SYT16: variants seen among roughly 807,000 people sequenced by gnomAD.
SYT16 encodes synaptotagmin-16.
A neutral mutation model predicts 61.4 loss-of-function variants in SYT16; 42 were observed. The ratio of observed to expected loss-of-function variants is 0.68; its 90% confidence interval spans 0.53 to 0.89. The LOEUF is 0.89. Among genes scored for constraint, SYT16 ranks in the 40% least tolerant of loss-of-function variants. SYT16 has a pLI of 0.00. For synonymous variants in SYT16, 314 were observed against 302.3 expected (o/e 1.04, Z -0.40); for missense variants, 804 against 807.3 (o/e 1.00, Z 0.05).
Position 62,105,313 on chromosome 14 carries a change from A to C in SYT16, c.*4606A>C. 6.6e-6 allele frequency: 1 copy of C among 152,234 alleles called. No homozygotes were observed. Among genetic ancestry groups the C allele is most frequent in the East Asian group, 1.9e-4 (1 of 5,194 alleles). The allele number at this position is 152,234 out of a possible 1,614,324, so 9.4% of individuals were successfully genotyped here. A position where few individuals can be genotyped will look rare whatever the true frequency, so the allele number is the denominator to read the frequency against. On this transcript the variant is annotated 3_prime_UTR_variant, in exon 8 of 8. Transcript: ENST00000683842. ...GTCGCCTTTATCAAAAGAGTTGGTG[A>C]CAATGGCAGTTTGACTACATATTTC...
intron 1 of SYT16, among the ~76,000 whole-genome samples, chr14:61,827,847 C>A (rs1457121527): frequency 6.6e-6 from 1 of 152,046 alleles, no homozygotes; most frequent in Non-Finnish European, 1.5e-5. Context: ...TTTATCTGCC[C>A]CTCTATGTTT....
chr14:62,033,244 G>A (rs1459938387), intron 3 of SYT16, among the ~76,000 whole-genome samples: 1 of 151,904 alleles, frequency 6.6e-6, no homozygotes, highest in Non-Finnish European at 1.5e-5. Flanking sequence ...ACTTCGGATT[G>A]TGTTATGAAT....
At chr14:62,041,822 G>A (rs2054742667) in intron 3 of SYT16, among the ~76,000 whole-genome samples, 2 of 151,978 alleles carry the variant, frequency 1.3e-5, no homozygotes, top group Admixed American at 1.3e-4. Flanking sequence ...CTTTCTTCAT[G>A]TTTCTTACGT....
intron 1 of SYT16, among the ~76,000 whole-genome samples, chr14:61,831,177 A>G (rs2045924804): frequency 6.6e-6 from 1 of 152,216 alleles, no homozygotes; most frequent in South Asian, 2.1e-4. Context: ...AATACAGAGA[A>G]CAAGATCCTG....
chr14:61,829,308 C>T (rs186220365), intron 1 of SYT16, among the ~76,000 whole-genome samples: 43 of 152,248 alleles, frequency 2.8e-4, no homozygotes, highest in Non-Finnish European at 5.9e-4. Context: ...TATACTTTAT[C>T]ATTTCTGTCT....
At chr14:61,830,718 G>A (rs1373354911) in intron 1 of SYT16, among the ~76,000 whole-genome samples, 1 of 152,152 alleles carries the variant, frequency 6.6e-6, no homozygotes, top group Non-Finnish European at 1.5e-5. Context: ...GGGTGGTAGA[G>A]TGCTTCTCCC....
chr14:61,898,213 A>G (rs912795786), intron 1 of SYT16, among the ~76,000 whole-genome samples: 3 of 152,184 alleles, frequency 2.0e-5, no homozygotes, highest in Non-Finnish European at 4.4e-5. Flanking sequence ...ATAATTCTCT[A>G]TAATTGAATT....
At chr14:62,095,971 T>A (rs188935709) in intron 7 of SYT16, among the ~76,000 whole-genome samples, 308 of 152,120 alleles carry the variant, frequency 2.0e-3, no homozygotes, top group Non-Finnish European at 3.5e-3. Context: ...AAACTTGATA[T>A]TTGACAGACA....
chr14:62,074,880 A>G (rs1480143059), intron 4 of SYT16, among the ~76,000 whole-genome samples: 1 of 152,230 alleles, frequency 6.6e-6, no homozygotes, highest in Non-Finnish European at 1.5e-5. Context: ...TCCTTTTGAC[A>G]TAAATATATA....
rs1382498364 is a variant in SYT16, at chr14:62,110,992, A to G, written c.*10285A>G. The stretch of plus-strand genomic sequence containing the variant: ...TTCATAAATGCCCTTTTACTATCCC[A>G]CAGAAAAAGTAAAGATTTAAAAAAT... On this transcript the variant is annotated 3_prime_UTR_variant, in exon 8 of 8. Transcript: ENST00000683842. The G allele has an allele frequency of 6.6e-6, 1 of 151,994 alleles. No individual in the cohort carries two copies. The highest frequency in any genetic ancestry group is 1.5e-5 in the Non-Finnish European group (1 of 67,920). 9.4% of individuals were successfully genotyped at this position (151,994 alleles called of 1,614,324 possible).
At chr14:62,075,505 TTTA>T in intron 5 of SYT16, 114 bp downstream of exon 5, 1 of 1,255,604 alleles carries the variant, frequency 8.0e-7, no homozygotes, top group Non-Finnish European at 1.0e-6. Flanking sequence ...AAGCATTACT[TTTA>T]TCTGCAATAA....
chr14:61,909,485 C>G (rs1443974232), intron 1 of SYT16, among the ~76,000 whole-genome samples: 4 of 152,162 alleles, frequency 2.6e-5, no homozygotes, highest in Non-Finnish European at 4.4e-5. Context: ...TAACTTCAGT[C>G]TCTCCCTCCA....
intron 3 of SYT16, among the ~76,000 whole-genome samples, chr14:62,011,379 G>A (rs2053442703): frequency 6.6e-6 from 1 of 151,924 alleles, no homozygotes; most frequent in South Asian, 2.1e-4. Flanking sequence ...ACAATCCAGT[G>A]GAGAAAAATA....
At chr14:62,048,728 T>C (rs1215589350) in intron 3 of SYT16, among the ~76,000 whole-genome samples, 2 of 152,230 alleles carry the variant, frequency 1.3e-5, no homozygotes, top group Admixed American at 6.5e-5. Flanking sequence ...CTTCATTTTA[T>C]TATGTACCCA....
intron 1 of SYT16, among the ~76,000 whole-genome samples, chr14:61,829,337 T>C (rs942190811): frequency 6.6e-6 from 1 of 152,222 alleles, no homozygotes; most frequent in Non-Finnish European, 1.5e-5. Flanking sequence ...TCAAGATTTT[T>C]TTATTATCTT....
chr14:61,971,232 C>G (rs186891178), intron 2 of SYT16, among the ~76,000 whole-genome samples: 1 of 152,310 alleles, frequency 6.6e-6, no homozygotes, highest in Non-Finnish European at 1.5e-5. Flanking sequence ...CTGCTTATAA[C>G]AAATTATCCC....
intron 1 of SYT16, among the ~76,000 whole-genome samples, chr14:61,944,035 G>A (rs1391181611): frequency 6.6e-6 from 1 of 152,092 alleles, no homozygotes; most frequent in African/African-American, 2.4e-5. Context: ...TTCAGCAAAG[G>A]CTCAGTGTAC....
chr14:61,955,579 A>G (rs1030681406), intron 1 of SYT16, among the ~76,000 whole-genome samples: 3 of 152,018 alleles, frequency 2.0e-5, no homozygotes, highest in African/African-American at 7.2e-5. Context: ...TACTTAGCAT[A>G]ATGTTCTTTA....
intron 3 of SYT16, among the ~76,000 whole-genome samples, chr14:62,049,105 G>T (rs1464726213): frequency 2.0e-5 from 3 of 152,168 alleles, no homozygotes; most frequent in African/African-American, 7.2e-5. Context: ...TTTTGTGTGG[G>T]AGTCTAAGTC....
Sources: allele counts gnomAD v4.1 joint callset (sites outside exome capture counted in the v4.1 genomes callset), GRCh38; gene constraint gnomAD v4.1.1; transcripts MANE v1.5; gene names NCBI Gene and HGNC (gene_info 2026-07-23, HGNC 2026-07-21).